Variants in NCAPG observed in about 807,000 individuals in gnomAD.
The protein encoded by NCAPG is non-SMC condensin I complex subunit G, also known as condensin complex subunit 3.
NCAPG carries 69 observed loss-of-function variants against 113.1 expected under a neutral mutation model. The observed-to-expected ratio is 0.61, with a 90% CI of 0.50 to 0.75. NCAPG has a LOEUF of 0.75. Among genes scored for constraint, NCAPG ranks in the 30% least tolerant of loss-of-function variants. The pLI is 0.00. For missense variants in NCAPG, 1,058 were observed against 1,177.0 expected, an observed-to-expected ratio of 0.90 and a Z score of 1.48; for synonymous variants, 370 against 415.8, an observed-to-expected ratio of 0.89 and a Z score of 1.34.
rs1488419613 is a variant in NCAPG at position 17,839,751 on chromosome 4, C to T, written c.2542C>T (p.Arg848Ter). ...AACAAGTCCGTGCTCGCCAGAAATTCGAGTCTATACAAAAGCCTTGAGTTC... is the reference window on the plus strand; with the variant it reads ...AACAAGTCCGTGCTCGCCAGAAATTTGAGTCTATACAAAAGCCTTGAGTTC... ...ILTSPCSPEI[R>*]VYTKALSSLE... is the part of the protein sequence containing the mutation. The change falls in exon 17 of 21, where the codon CGA becomes TGA. Residue 848 changes from arginine (R) to a stop codon, truncating the protein, a stop_gained. Transcript: ENST00000251496. LOFTEE classifies it high-confidence loss of function. The T allele has an allele frequency of 1.3e-6, 2 of 1,584,198 alleles. No homozygotes were observed. The highest frequency in any genetic ancestry group is 2.3e-5 in the East Asian group (1 of 44,110).
intron 16 of NCAPG, among the ~76,000 whole-genome samples, chr4:17,838,080 C>T (rs1286247870): frequency 1.3e-5 from 2 of 152,156 alleles, no homozygotes; most frequent in Non-Finnish European, 2.9e-5. Context: ...GAAGTAATAA[C>T]CTATGTTATC....
At chr4:17,831,796 C>G (rs1354438978) in intron 13 of NCAPG, among the ~76,000 whole-genome samples, 4 of 152,130 alleles carry the variant, frequency 2.6e-5, no homozygotes, top group African/African-American at 9.7e-5. Flanking sequence ...ATGTCCATGT[C>G]TTCTAGGACC....
rs987783516 is a variant in NCAPG, at chr4:17,823,672, G to T, written c.1285G>T (p.Glu429Ter). 2.5e-6 allele frequency: 4 copies of T among 1,610,708 alleles called. No homozygotes were observed. The highest frequency in any genetic ancestry group is 3.4e-6 in the Non-Finnish European group (4 of 1,177,900). ...GRKKLLAVLQ[E>*]ILILPTIPIS... ...AAAAAAACTGCTGGCTGTTTTACAG[G>T]AGATTCTTATTTTACCCACAATCCC... is the stretch of plus-strand genomic sequence containing the variant. Residue 429 changes from glutamate to a stop codon, truncating the protein, a stop_gained, in exon 9 of 21, where the codon GAG becomes TAG. Transcript: ENST00000251496. LOFTEE classifies it high-confidence loss of function.
intron 8 of NCAPG, 93 bp downstream of exon 8, chr4:17,823,216 C>G (rs1386449108): frequency 1.1e-5 from 14 of 1,233,610 alleles, no homozygotes; most frequent in Non-Finnish European, 1.5e-5. Context: ...ACATATTTAC[C>G]CTAGCTCTCT....
rs1722006431 is a variant in NCAPG at position 17,834,524 on chromosome 4, G to T, written c.2109+1G>T. ...CCTTTCTGATTTCTTAGATAGTGAG[G>T]TAAGAAATAATCCAGTCCTGTGATT... On this transcript the variant is annotated splice_donor_variant, in intron 14 of 20. Transcript: ENST00000251496. LOFTEE classifies it high-confidence loss of function. The T allele has an allele frequency of 1.3e-6, 2 of 1,557,488 alleles. No homozygotes were observed. Among genetic ancestry groups the T allele is most frequent in the East Asian group, 4.6e-5 (2 of 43,204 alleles).
Position 17,825,497 on chromosome 4 carries a change from A to T in NCAPG, c.1589A>T (p.Asp530Val). The change falls in exon 11 of 21, where the codon GAT becomes GTT. Residue 530 changes from aspartate (D) to valine (V), a missense_variant. Coordinates refer to ENST00000251496, the MANE Select transcript of NCAPG (RefSeq NM_022346.5). ...ELKEEIKALE[D>V]ARINLLKETE... ...AAAGAAGAAATAAAAGCATTAGAAG[A>T]TGCCAGAATAAACCTTTTGAAAGAG... The T allele has an allele frequency of 6.2e-7, 1 of 1,609,762 alleles. No homozygotes were observed. Among genetic ancestry groups the T allele is most frequent in the Non-Finnish European group, 8.5e-7 (1 of 1,178,552 alleles).
At chr4:17,834,780 C>G (rs1451766795) in intron 14 of NCAPG, among the ~76,000 whole-genome samples, 1 of 152,020 alleles carries the variant, frequency 6.6e-6, no homozygotes. Context: ...TGTTCCTCTC[C>G]CCTATGCTCT....
rs574308629 is a variant in NCAPG, at chr4:17,824,853, G to A, written c.1384-115G>A. 5.6e-5 allele frequency: 34 copies of A among 611,876 alleles called. No individual in the cohort carries two copies. In the African/African-American group the frequency reaches 6.1e-4, roughly 11 times the overall value. The allele number at this position is 611,876 out of a possible 1,614,324, so 37.9% of individuals were successfully genotyped here. A position where few individuals can be genotyped will look rare whatever the true frequency, so the allele number is the denominator to read the frequency against. Reference sequence around the variant, plus strand: ...GAATGTGTGCTATTTCTACCAGTATGTTTTTGCTCCATTATTCAATATATG... The same window carrying A: ...GAATGTGTGCTATTTCTACCAGTATATTTTTGCTCCATTATTCAATATATG... On this transcript the variant is annotated intron_variant, in intron 9 of 20. Coordinates refer to ENST00000251496, the MANE Select transcript of NCAPG (RefSeq NM_022346.5).
At chr4:17,821,600 A>G (rs1721459831) in intron 7 of NCAPG, among the ~76,000 whole-genome samples, 1 of 150,792 alleles carries the variant, frequency 6.6e-6, no homozygotes, top group Admixed American at 6.7e-5. Context: ...AGTAGCTGGG[A>G]TTATAGGTGC....
chr4:17,820,161 T>C (rs1166902153), intron 7 of NCAPG, among the ~76,000 whole-genome samples: 10 of 152,198 alleles, frequency 6.6e-5, no homozygotes, highest in Non-Finnish European at 1.5e-4. Context: ...GGGAGGAGTT[T>C]TCCTCAAGGA....
rs764946681 is a variant in NCAPG at position 17,811,132 on chromosome 4, C to G, written c.55C>G (p.Gln19Glu). ...SIKEAFRLAQ[Q>E]PHQNQAKLVV... The stretch of plus-strand genomic sequence containing the variant: ...TAAGGAGGCCTTTCGGCTGGCGCAG[C>G]AGCCGCACCAGAACCAGGCGAAGCT... The change falls in exon 1 of 21, where the codon CAG becomes GAG. Residue 19 changes from glutamine (Q) to glutamate (E), a missense_variant. By Grantham distance (29) the Gln-to-Glu change is conservative. Coordinates refer to ENST00000251496, the MANE Select transcript of NCAPG (RefSeq NM_022346.5). This position sits in a 1 kb window ranked among gnomAD's most constrained non-coding sequence, Gnocchi z 5.3. The G allele has an allele frequency of 2.6e-6, 4 of 1,520,592 alleles. No homozygotes were observed. Among genetic ancestry groups the G allele is most frequent in the Non-Finnish European group, 3.5e-6 (4 of 1,134,042 alleles). The allele number at this position is 1,520,592 out of a possible 1,614,324, so 94.2% of individuals were successfully genotyped here.
At position 17,839,767 on chromosome 4, in the gene NCAPG, C is replaced by G. The variant is rs760110517; in HGVS notation, c.2558C>G (p.Ala853Gly). 1.3e-6 allele frequency: 2 copies of G among 1,583,832 alleles called. No homozygotes were observed. Among genetic ancestry groups the G allele is most frequent in the South Asian group, 1.2e-5 (1 of 84,842 alleles). Residue 853 changes from alanine (A) to glycine (G), a missense_variant, in exon 17 of 21, where the codon GCC becomes GGC. By Grantham distance (60) the Ala-to-Gly change is moderately conservative. Coordinates refer to ENST00000251496, the MANE Select transcript of NCAPG (RefSeq NM_022346.5). ...CCAGAAATTCGAGTCTATACAAAAG[C>G]CTTGAGTTCTTTAGAACTCAGTAGC... ...CSPEIRVYTKALSSLELSSHL... is the reference protein window; with the variant it reads ...CSPEIRVYTKGLSSLELSSHL...
chr4:17,825,868 GT>G (rs1721639624), intron 11 of NCAPG, among the ~76,000 whole-genome samples: 1 of 151,876 alleles, frequency 6.6e-6, no homozygotes, highest in Admixed American at 6.6e-5. Flanking sequence ...TCTGTTTTTT[GT>G]CTTGAATGGT....
chr4:17,825,629 C>T, intron 11 of NCAPG, 68 bp downstream of exon 11: 1 of 1,379,982 alleles, frequency 7.2e-7, no homozygotes, highest in South Asian at 1.4e-5. Flanking sequence ...CTTATTTTCT[C>T]TAACTTCTAG....
chr4:17,830,052 A>G (rs1721799715), intron 12 of NCAPG, among the ~76,000 whole-genome samples: 1 of 152,212 alleles, frequency 6.6e-6, no homozygotes, highest in South Asian at 2.1e-4. Context: ...TGTCAGCCAC[A>G]CATGGCTTTT....
At chr4:17,843,178 C>T (rs1366312550) in intron 20 of NCAPG, 124 bp from the exon 21 acceptor site, 5 of 1,041,334 alleles carry the variant, frequency 4.8e-6, no homozygotes, top group Non-Finnish European at 6.9e-6. Flanking sequence ...TAAGCTAAGT[C>T]AATGGAATCA....
intron 20 of NCAPG, 147 bp downstream of exon 20, chr4:17,842,526 A>C (rs1366609966): frequency 1.6e-6 from 1 of 636,872 alleles, no homozygotes; most frequent in Non-Finnish European, 2.7e-6. Flanking sequence ...ATATAGTCTA[A>C]AATTCCATCA....
intron 11 of NCAPG, among the ~76,000 whole-genome samples, chr4:17,827,899 G>A (rs528601427): frequency 2.3e-4 from 35 of 149,932 alleles, no homozygotes; most frequent in African/African-American, 7.6e-4. Context: ...TCCACCTCCC[G>A]TGTTCAAGCC....
At chr4:17,816,390 G>A (rs1206713649) in intron 5 of NCAPG, among the ~76,000 whole-genome samples, 1 of 152,142 alleles carries the variant, frequency 6.6e-6, no homozygotes, top group Non-Finnish European at 1.5e-5. Flanking sequence ...GCCACAGACT[G>A]GTACTAGTCC....
Sources: allele counts gnomAD v4.1 joint callset (sites outside exome capture counted in the v4.1 genomes callset), GRCh38; gene constraint gnomAD v4.1.1; non-coding constraint Gnocchi (gnomAD v3.1); transcripts MANE v1.5; gene names NCBI Gene and HGNC (gene_info 2026-07-23, HGNC 2026-07-21).